Variants in LPP observed in about 807,000 individuals in gnomAD.
LPP encodes the protein LIM domain containing preferred translocation partner in lipoma.
In LPP, 38 loss-of-function variants were observed where a neutral mutation model predicts 60.4. The ratio of observed to expected loss-of-function variants is 0.63; its 90% CI spans 0.49 to 0.83. The LOEUF (loss-of-function observed/expected upper bound fraction) is 0.83, where lower values mean the gene tolerates loss of function less well. Among genes scored for constraint, LPP ranks in the 40% least tolerant of loss-of-function variants. LPP has a pLI of 0.00. For missense variants in LPP, 902 were observed against 783.6 expected (o/e 1.15, Z -1.80); for synonymous variants, 328 against 290.8 (o/e 1.13, Z -1.30).
intron 10 of LPP, among the ~76,000 whole-genome samples, chr3:188,870,568 G>C (rs1011453552): frequency 2.6e-5 from 4 of 152,238 alleles, no homozygotes; most frequent in Admixed American, 2.6e-4. Context: ...GTTGCTGTCA[G>C]TAGAAAATTA....
At chr3:188,421,457 G>GCCA (rs1455350633) in intron 4 of LPP, among the ~76,000 whole-genome samples, 15 of 152,146 alleles carry the variant, frequency 9.9e-5, no homozygotes, top group Admixed American at 3.3e-4. Flanking sequence ...ACTGGAGCCT[G>GCCA]CCACTGTGTT....
At chr3:188,508,707 C>T (rs946936757) in intron 5 of LPP, among the ~76,000 whole-genome samples, 1 of 152,224 alleles carries the variant, frequency 6.6e-6, no homozygotes, top group African/African-American at 2.4e-5. Context: ...TCTCTGTTGG[C>T]ACTGCGGGTG....
chr3:188,695,849 G>A (rs540000983), intron 7 of LPP, among the ~76,000 whole-genome samples: 11 of 152,242 alleles, frequency 7.2e-5, no homozygotes, highest in Non-Finnish European at 1.0e-4. Flanking sequence ...TAACCTTTAC[G>A]ATAGACCATG....
intron 2 of LPP, among the ~76,000 whole-genome samples, chr3:188,263,274 G>A (rs921085021): frequency 1.3e-5 from 2 of 152,198 alleles, no homozygotes; most frequent in African/African-American, 4.8e-5. Flanking sequence ...GGGGCAGAGG[G>A]TAGCGGGTGA....
chr3:188,697,660 A>C (rs1863545107), intron 7 of LPP, among the ~76,000 whole-genome samples: 1 of 152,180 alleles, frequency 6.6e-6, no homozygotes, highest in Non-Finnish European at 1.5e-5. Flanking sequence ...TCTAAGAGCT[A>C]TCCATTTTTA....
At chr3:188,301,998 C>G (rs1354002645) in intron 2 of LPP, among the ~76,000 whole-genome samples, 2 of 151,798 alleles carry the variant, frequency 1.3e-5, no homozygotes, top group Admixed American at 6.6e-5. Flanking sequence ...AAACAACAAC[C>G]CAGAACATAT....
At chr3:188,652,634 C>T (rs1008748289) in intron 7 of LPP, among the ~76,000 whole-genome samples, 3 of 152,200 alleles carry the variant, frequency 2.0e-5, no homozygotes, top group Non-Finnish European at 4.4e-5. Context: ...CTTGAGGGGA[C>T]AGCCCTGTGG....
chr3:188,286,163 A>G (rs1743846825), intron 2 of LPP, among the ~76,000 whole-genome samples: 1 of 152,018 alleles, frequency 6.6e-6, no homozygotes, highest in Non-Finnish European at 1.5e-5. Flanking sequence ...TGTGGGCCTG[A>G]TTTGTCCATG....
chr3:188,731,591 C>T (rs1034613032), intron 8 of LPP, among the ~76,000 whole-genome samples: 5 of 145,600 alleles, frequency 3.4e-5, no homozygotes, highest in African/African-American at 9.9e-5. Context: ...GGTGCGATCT[C>T]GGCTCACTGC....
chr3:188,187,791 G>GCT (rs1727035622), intron 1 of LPP, among the ~76,000 whole-genome samples: 1 of 152,018 alleles, frequency 6.6e-6, no homozygotes, highest in Admixed American at 6.6e-5. Context: ...TTCTTCTGGA[G>GCT]CTCCTGAGTA....
intron 2 of LPP, among the ~76,000 whole-genome samples, chr3:188,332,411 A>G (rs192562661): frequency 1.7e-4 from 26 of 152,352 alleles, no homozygotes; most frequent in African/African-American, 6.3e-4. Context: ...TAAAAAAATT[A>G]AAAGTTCAAT....
chr3:188,307,883 G>A (rs1752050708), intron 2 of LPP, among the ~76,000 whole-genome samples: 1 of 152,158 alleles, frequency 6.6e-6, no homozygotes, highest in African/African-American at 2.4e-5. Flanking sequence ...GGACTGTGGG[G>A]CATTTTTGGT....
At chr3:188,195,907 T>C (rs1475472171) in intron 1 of LPP, among the ~76,000 whole-genome samples, 1 of 152,200 alleles carries the variant, frequency 6.6e-6, no homozygotes, top group African/African-American at 2.4e-5. Context: ...CGGACATGCT[T>C]TTCTGAGAGC....
chr3:188,876,606 A>G lies in LPP; in HGVS notation c.*2127A>G, dbSNP rs975200078. The G allele has an allele frequency of 2.5e-5, 5 of 201,402 alleles. No individual in the cohort carries two copies. In the Admixed American group the frequency reaches 3.0e-4, roughly 12 times the overall value. The allele number at this position is 201,402 out of a possible 1,614,324, so 12.5% of individuals were successfully genotyped here. A position where few individuals can be genotyped will look rare whatever the true frequency, so the allele number is the denominator to read the frequency against. On this transcript the variant is annotated 3_prime_UTR_variant, in exon 12 of 12. Coordinates refer to ENST00000617246, the MANE Select transcript of LPP (RefSeq NM_001375462.1). The stretch of plus-strand genomic sequence containing the variant: ...TGACTATTTGACAATAGGGCTGATA[A>G]TGTAATCGGCTTGAATTTTGACTTA...
chr3:188,413,977 A>C (rs1021214124), intron 4 of LPP, among the ~76,000 whole-genome samples: 2 of 152,170 alleles, frequency 1.3e-5, no homozygotes, highest in African/African-American at 2.4e-5. Context: ...TATAACTCTA[A>C]GGAGTTACTA....
At chr3:188,599,771 T>TGTGTGTGA (rs1328485900) in intron 6 of LPP, among the ~76,000 whole-genome samples, 2 of 151,256 alleles carry the variant, frequency 1.3e-5, no homozygotes, top group Non-Finnish European at 3.0e-5. Flanking sequence ...TGTGTGTGTG[T>TGTGTGTGA]GTGTGTGTGT....
chr3:188,724,113 A>G (rs1717485722), intron 8 of LPP, among the ~76,000 whole-genome samples: 1 of 152,232 alleles, frequency 6.6e-6, no homozygotes. Flanking sequence ...ACTATTTAGT[A>G]TGAGTTCTAC....
chr3:188,855,765 A>G (rs1763690850), intron 9 of LPP, among the ~76,000 whole-genome samples: 3 of 152,164 alleles, frequency 2.0e-5, no homozygotes, highest in Admixed American at 1.3e-4. Context: ...CAAAAGCCCT[A>G]TTAACTTAAT....
chr3:188,426,012 C>T (rs1337042364), intron 4 of LPP, among the ~76,000 whole-genome samples: 1 of 152,106 alleles, frequency 6.6e-6, no homozygotes, highest in East Asian at 1.9e-4. Flanking sequence ...TTTGTTTGCT[C>T]TTGCTTCTCT....
Sources: allele counts gnomAD v4.1 joint callset (sites outside exome capture counted in the v4.1 genomes callset), GRCh38; gene constraint gnomAD v4.1.1; transcripts MANE v1.5; gene names NCBI Gene and HGNC (gene_info 2026-07-23, HGNC 2026-07-21).